Variants in HCLS1 observed in about 807,000 individuals in gnomAD.
HCLS1 encodes hematopoietic cell-specific Lyn substrate 1.
In HCLS1, 44 loss-of-function variants were observed where a neutral mutation model predicts 68.6. The ratio of observed to expected loss-of-function variants is 0.64; its 90% CI spans 0.50 to 0.82. HCLS1 has a LOEUF of 0.82. Among genes scored for constraint, HCLS1 ranks in the 40% least tolerant of loss-of-function variants. HCLS1 has a pLI of 0.00. For missense variants in HCLS1, 602 were observed against 612.1 expected (o/e 0.98, Z 0.17); for synonymous variants, 217 against 225.8 (o/e 0.96, Z 0.35).
chr3:121,658,984 A>G (rs1937932944), intron 1 of HCLS1, among the ~76,000 whole-genome samples: 1 of 152,194 alleles, frequency 6.6e-6, no homozygotes, highest in African/African-American at 2.4e-5. Context: ...GGAGAGCATT[A>G]TTTGCTGGGA....
chr3:121,636,830 C>T (rs1374661958), intron 7 of HCLS1, among the ~76,000 whole-genome samples: 1 of 152,170 alleles, frequency 6.6e-6, no homozygotes, highest in Non-Finnish European at 1.5e-5. Context: ...GTGAGGACAG[C>T]AGAGATCCCT....
In HCLS1 at chr3:121,659,518, A is replaced by G. The variant is rs146073274; in HGVS notation, c.1-1171T>C. Among the ~76,000 whole-genome samples the G allele has an allele frequency of 1.1e-4, 17 of 152,140 alleles. No individual in the cohort carries two copies. In the East Asian group the frequency reaches 2.3e-3, roughly 21 times the overall value. ...AGGCCTTCAGATTCTCCAGTTTTCT[A>G]TTTCCACTTGAAAGCTCCATCTTCT... On this transcript the variant is annotated intron_variant, in intron 1 of 13. Coordinates refer to ENST00000314583, the MANE Select transcript of HCLS1 (RefSeq NM_005335.6).
chr3:121,635,053 C>T (rs186493505), intron 9 of HCLS1, among the ~76,000 whole-genome samples: 12 of 152,228 alleles, frequency 7.9e-5, no homozygotes, highest in Admixed American at 6.5e-5. Context: ...ATCCGAAACT[C>T]CTGTCCCTGT....
chr3:121,642,476 TA>T (rs914545569), intron 6 of HCLS1, among the ~76,000 whole-genome samples: 1 of 145,312 alleles, frequency 6.9e-6, no homozygotes, highest in African/African-American at 2.6e-5. Flanking sequence ...CTCAAAAAAA[TA>T]AAAAAGTATG....
intron 6 of HCLS1, among the ~76,000 whole-genome samples, chr3:121,642,079 CAAAAAA>C (rs1167544123): frequency 1.9e-3 from 124 of 64,574 alleles, no homozygotes; most frequent in Admixed American, 2.8e-3. Context: ...GACTCCGTCG[CAAAAAA>C]AAAAAAAAAA....
chr3:121,659,148 T>TA (rs1214365521), intron 1 of HCLS1, among the ~76,000 whole-genome samples: 1 of 152,232 alleles, frequency 6.6e-6, no homozygotes, highest in African/African-American at 2.4e-5. Context: ...ACTCAGTTTT[T>TA]ATCAACTAAA....
chr3:121,657,719 TGG>T (rs764672415), intron 2 of HCLS1, among the ~76,000 whole-genome samples: 7 of 152,050 alleles, frequency 4.6e-5, no homozygotes, highest in Admixed American at 3.3e-4. Context: ...AGGGACTACT[TGG>T]GAGGCTGAGG....
At position 121,637,130 on chromosome 3, in the gene HCLS1, T is replaced by A; in HGVS notation, c.565+16A>T. 6.4e-7 allele frequency: 1 copy of A among 1,568,138 alleles called. No homozygotes were observed. Among genetic ancestry groups the A allele is most frequent in the Non-Finnish European group, 8.8e-7 (1 of 1,138,156 alleles). On this transcript the variant is annotated intron_variant, in intron 7 of 13. Coordinates refer to ENST00000314583, the MANE Select transcript of HCLS1 (RefSeq NM_005335.6). ...CTGTGCTATCTGTGACCTTCCCCCT[T>A]CCAACCCCAACTCACCTCTCTGGGA...
In HCLS1 at chr3:121,658,285, C is replaced by T; in HGVS notation, c.63G>A (p.Trp21Ter). ...SVSVETQGDDWDTDPDFVNDI... is the reference protein window; with the variant it reads ...SVSVETQGDD ...TCACCACAAAGTCAGGATCTGTGTC[C>T]CAATCATCACCCTGGGTCTCCACGG... Residue 21 changes from tryptophan (W) to a stop codon, truncating the protein, a stop_gained, in exon 2 of 14, where the codon TGG becomes TGA. Coordinates refer to ENST00000314583, the MANE Select transcript of HCLS1 (RefSeq NM_005335.6). LOFTEE classifies it high-confidence loss of function. The T allele has an allele frequency of 6.2e-7, 1 of 1,613,874 alleles. No homozygotes were observed. Among genetic ancestry groups the T allele is most frequent in the Non-Finnish European group, 8.5e-7 (1 of 1,179,834 alleles).
In HCLS1 at chr3:121,632,460, T is replaced by C. The variant is rs2049108060; in HGVS notation, c.1112A>G (p.Glu371Gly). ...EAEPEPEPEP[E>G]PEPENDYEDV... ...CTCATAGTCATTCTCAGGCTCGGGCTCAGGCTCGGGCTCAGGCTCAGGCTC... is the reference window on the plus strand; with the variant it reads ...CTCATAGTCATTCTCAGGCTCGGGCCCAGGCTCGGGCTCAGGCTCAGGCTC... Residue 371 changes from glutamate (E) to glycine (G), a missense_variant, in exon 12 of 14, where the codon GAG (glutamate) becomes GGG (glycine). Coordinates refer to ENST00000314583, the MANE Select transcript of HCLS1 (RefSeq NM_005335.6). 6.2e-7 allele frequency: 1 copy of C among 1,613,872 alleles called. No homozygotes were observed. Among genetic ancestry groups the C allele is most frequent in the Non-Finnish European group, 8.5e-7 (1 of 1,179,936 alleles).
chr3:121,647,212 A>T, intron 4 of HCLS1, 107 bp downstream of exon 4: 1 of 1,094,768 alleles, frequency 9.1e-7, no homozygotes, highest in East Asian at 2.4e-5. Flanking sequence ...CGATCTCCTA[A>T]CCTCATGATC....
At chr3:121,640,297 C>T (rs1184428757) in intron 6 of HCLS1, among the ~76,000 whole-genome samples, 1 of 151,988 alleles carries the variant, frequency 6.6e-6, no homozygotes, top group African/African-American at 2.4e-5. Context: ...TAGAGTTGAG[C>T]CAGAAGTAGA....
At chr3:121,646,626 A>G (rs1937611107) in intron 4 of HCLS1, among the ~76,000 whole-genome samples, 1 of 115,076 alleles carries the variant, frequency 8.7e-6, no homozygotes. Flanking sequence ...TATATTATAT[A>G]TTATAAGTAT....
chr3:121,658,137 C>A, intron 2 of HCLS1, 127 bp downstream of exon 2: 1 of 706,436 alleles, frequency 1.4e-6, no homozygotes, highest in East Asian at 2.5e-5. Context: ...CCAATTAGTC[C>A]CAGTATGAGG....
intron 3 of HCLS1, among the ~76,000 whole-genome samples, chr3:121,652,655 G>A (rs538678325): frequency 6.6e-4 from 100 of 152,072 alleles, no homozygotes; most frequent in African/African-American, 2.3e-3. Flanking sequence ...GCGAAACTCC[G>A]TCTCAAAAAA....
chr3:121,655,318 G>A (rs1937836617), intron 3 of HCLS1, among the ~76,000 whole-genome samples: 1 of 152,072 alleles, frequency 6.6e-6, no homozygotes, highest in African/African-American at 2.4e-5. Flanking sequence ...TATATTAACA[G>A]GAAACAAAAC....
At chr3:121,638,564 G>A (rs980496713) in intron 6 of HCLS1, among the ~76,000 whole-genome samples, 1 of 152,050 alleles carries the variant, frequency 6.6e-6, no homozygotes, top group Admixed American at 6.6e-5. Context: ...TTTGATAGGG[G>A]GAAAATTTGC....
chr3:121,638,000 A>T (rs561092015), intron 6 of HCLS1, among the ~76,000 whole-genome samples: 1 of 152,266 alleles, frequency 6.6e-6, no homozygotes, highest in African/African-American at 2.4e-5. Context: ...GAAACCAGAG[A>T]CAAAGAGATG....
intron 3 of HCLS1, among the ~76,000 whole-genome samples, chr3:121,648,537 A>G (rs1222972767): frequency 6.6e-6 from 1 of 152,156 alleles, no homozygotes; most frequent in Non-Finnish European, 1.5e-5. Context: ...TTTCTGCAGC[A>G]AGCAATGAGG....
Sources: allele counts gnomAD v4.1 joint callset (sites outside exome capture counted in the v4.1 genomes callset), GRCh38; gene constraint gnomAD v4.1.1; transcripts MANE v1.5; gene names NCBI Gene and HGNC (gene_info 2026-07-23, HGNC 2026-07-21).